The following ARHGEF37 variants were observed in gnomAD, a reference collection of about 807,000 sequenced individuals.
ARHGEF37 encodes the protein Rho guanine nucleotide exchange factor 37.
In ARHGEF37, 55 loss-of-function variants were observed where a neutral mutation model predicts 71.1. The observed-to-expected ratio is 0.77, with a 90% confidence interval of 0.62 to 0.97. The LOEUF is 0.97. Ranked by LOEUF, ARHGEF37 falls within the 50% of genes least tolerant of loss-of-function variation. The pLI, the probability that ARHGEF37 is intolerant of heterozygous loss-of-function variation, is 0.00. For missense variants in ARHGEF37, 765 were observed against 836.8 expected (o/e 0.91, Z 1.06); for synonymous variants, 327 against 350.6 (o/e 0.93, Z 0.75).
chr5:149,580,310 CT>C (rs1561786694), upstream of ARHGEF37, among the ~76,000 whole-genome samples: 2 of 152,096 alleles, frequency 1.3e-5, no homozygotes, highest in African/African-American at 2.4e-5. Context: ...CTGCCCCCCC[CT>C]CAGCTTCCCA....
chr5:149,605,254 AG>A (rs1241979744), intron 3 of ARHGEF37, among the ~76,000 whole-genome samples: 7 of 151,922 alleles, frequency 4.6e-5, no homozygotes, highest in Non-Finnish European at 8.8e-5. Context: ...AAAGAAAAAA[AG>A]AAATATAACG....
intron 12 of ARHGEF37, among the ~76,000 whole-genome samples, chr5:149,629,881 T>C (rs1752826597): frequency 6.6e-6 from 1 of 152,190 alleles, no homozygotes; most frequent in Non-Finnish European, 1.5e-5. Flanking sequence ...GAAACACCGG[T>C]ACATGCTGCA....
intron 12 of ARHGEF37, among the ~76,000 whole-genome samples, chr5:149,630,733 A>T (rs1382861949): frequency 6.6e-5 from 10 of 152,116 alleles, no homozygotes; most frequent in Admixed American, 6.5e-4. Context: ...CTCCCCATCC[A>T]GGGGCTCATT....
At chr5:149,630,392 A>G (rs1012793694) in intron 12 of ARHGEF37, among the ~76,000 whole-genome samples, 5 of 152,154 alleles carry the variant, frequency 3.3e-5, no homozygotes, top group African/African-American at 9.7e-5. Flanking sequence ...GGGGTGTACC[A>G]CAGGGGAAGC....
chr5:149,577,349 C>T (rs1431979113), upstream of ARHGEF37, among the ~76,000 whole-genome samples: 1 of 151,924 alleles, frequency 6.6e-6, no homozygotes, highest in African/African-American at 2.4e-5. Context: ...AGATATGATC[C>T]CAAGACTGAG....
rs1387489669 is a variant in ARHGEF37, at chr5:149,618,187, A to G, written c.670A>G (p.Thr224Ala). 2.5e-6 allele frequency: 4 copies of G among 1,614,136 alleles called. No individual in the cohort carries two copies. The Admixed American group carries it at 5.0e-5, about 20-fold the overall frequency. Residue 224 changes from threonine (T) to alanine (A), a missense_variant, in exon 6 of 13, where the codon ACC becomes GCC. Physicochemically the swap from Thr to Ala is moderately conservative, Grantham distance 58. This residue lies in a region of ARHGEF37 where 167 missense variants were observed against 173.3 expected (regional missense o/e 0.96). Transcript: ENST00000333677. Reference sequence around the variant, plus strand: ...CTCTGTCGTTGCAGCCTCCAAGTACACCAAGGTAGAGCAGCTGACCCTCCG... The same window carrying G: ...CTCTGTCGTTGCAGCCTCCAAGTACGCCAAGGTAGAGCAGCTGACCCTCCG... ...KMRKEVASKY[T>A]KVEQLTLRER... is the part of the protein sequence containing the mutation.
chr5:149,587,894 CTTTT>C lies in ARHGEF37; in HGVS notation c.-12+6286_-12+6289del, dbSNP rs3994917. On this transcript the variant is annotated intron_variant, in intron 1 of 12. Transcript: ENST00000333677. ...TCTGTAGGTCTTCCCTCCCTTTAGT[CTTTT>C]TTTTTTTTTTTTTTTGGAGACAAAG... is the stretch of plus-strand genomic sequence containing the variant. 1.0e-3 allele frequency among the ~76,000 whole-genome samples: 130 copies of C among 129,106 alleles called. No homozygotes were observed. In the Middle Eastern group the frequency reaches 0.016, roughly 16 times the overall value. 84.7% of individuals were successfully genotyped at this position (129,106 alleles called of 152,430 possible).
intron 4 of ARHGEF37, among the ~76,000 whole-genome samples, chr5:149,610,432 C>T (rs144364535): frequency 5.3e-5 from 8 of 152,206 alleles, no homozygotes; most frequent in African/African-American, 9.6e-5. Context: ...TTTAAATTTT[C>T]GAATGGGTAA....
intron 11 of ARHGEF37, 60 bp downstream of exon 11, chr5:149,627,331 G>A: frequency 6.4e-7 from 1 of 1,556,098 alleles, no homozygotes; most frequent in Non-Finnish European, 8.7e-7. Context: ...ACAGAAGCCG[G>A]TGCAGAGACC....
chr5:149,630,468 C>T (rs1026813936), intron 12 of ARHGEF37, among the ~76,000 whole-genome samples: 4 of 152,128 alleles, frequency 2.6e-5, no homozygotes, highest in Non-Finnish European at 2.9e-5. Flanking sequence ...AGGAGCCTGC[C>T]GCAGGCTGTG....
chr5:149,566,867 A>G (rs916788343), intron 1 of ARHGEF37, among the ~76,000 whole-genome samples: 1 of 152,188 alleles, frequency 6.6e-6, no homozygotes, highest in Non-Finnish European at 1.5e-5. Flanking sequence ...TATCTCTTCT[A>G]ATTATATATA....
rs536500279 is a variant in ARHGEF37 at position 149,591,885 on chromosome 5, C to T, written c.-11-5874C>T. Reference sequence around the variant, plus strand: ...AATCTAGGCTAAGCTATGATGTTCACTAGGTGTCAGGTATATTTCATACAT... The same window carrying T: ...AATCTAGGCTAAGCTATGATGTTCATTAGGTGTCAGGTATATTTCATACAT... On this transcript the variant is annotated intron_variant, in intron 1 of 12. Coordinates refer to ENST00000333677, the MANE Select transcript of ARHGEF37 (RefSeq NM_001001669.3). Among the ~76,000 whole-genome samples, 11 of 152,284 alleles carry T rather than the reference C, an allele frequency of 7.2e-5. No individual in the cohort carries two copies. In the South Asian group the frequency reaches 2.3e-3, roughly 32 times the overall value.
intron 12 of ARHGEF37, among the ~76,000 whole-genome samples, chr5:149,631,739 A>G (rs1307556473): frequency 2.0e-5 from 3 of 152,228 alleles, no homozygotes; most frequent in Non-Finnish European, 4.4e-5. Flanking sequence ...ATAGAATGAT[A>G]GAATTATTGT....
Position 149,628,809 on chromosome 5 carries a change from G to A in ARHGEF37, c.1661G>A (p.Gly554Glu). ...TGCTAACCTTCTGCATGCTCCCTAG[G>A]ACATCGTGGGTATGTGCCGGCTGGG... ...NSGRWLVDTG[G>E]HRGYVPAGKL... The change falls in exon 12 of 13, where the codon GGA becomes GAA. Residue 554 changes from glycine (G) to glutamate (E), a missense_variant and splice_region_variant. By Grantham distance (98) the Gly-to-Glu change is moderately conservative (BLOSUM62 -2). This residue lies in a region of ARHGEF37 where 390 missense variants were observed against 407.4 expected (regional missense o/e 0.96). Transcript: ENST00000333677. The A allele has an allele frequency of 1.2e-6, 2 of 1,612,246 alleles. No individual in the cohort carries two copies. The highest frequency in any genetic ancestry group is 1.7e-6 in the Non-Finnish European group (2 of 1,179,284).
intron 1 of ARHGEF37, among the ~76,000 whole-genome samples, chr5:149,553,317 T>G (rs1302560843): frequency 6.6e-6 from 1 of 151,992 alleles, no homozygotes; most frequent in East Asian, 1.9e-4. Flanking sequence ...GGAGAATCGC[T>G]TGAACCTGGG....
Position 149,627,236 on chromosome 5 carries a change from A to G in ARHGEF37, c.1625A>G (p.Lys542Arg). ...GCCATCCTTCAAAACAAGGACACCA[A>G]AGGCAACAGCGGCCGCTGGCTGGTG... is the stretch of plus-strand genomic sequence containing the variant. ...IVAILQNKDT[K>R]GNSGRWLVDT... Residue 542 changes from lysine (K) to arginine (R), a missense_variant, in exon 11 of 13, where the codon AAA becomes AGA. This residue lies in a region of ARHGEF37 where 390 missense variants were observed against 407.4 expected (regional missense o/e 0.96). Coordinates refer to ENST00000333677, the MANE Select transcript of ARHGEF37 (RefSeq NM_001001669.3). The G allele has an allele frequency of 1.2e-6, 2 of 1,613,992 alleles. No individual in the cohort carries two copies. The highest frequency in any genetic ancestry group is 1.7e-6 in the Non-Finnish European group (2 of 1,180,010).
At chr5:149,551,758 C>T (rs924300919), upstream of ARHGEF37, among the ~76,000 whole-genome samples, 3 of 152,254 alleles carry the variant, frequency 2.0e-5, no homozygotes, top group South Asian at 6.2e-4. Context: ...CAGATGAAAG[C>T]TTAAGGCCTC....
intron 10 of ARHGEF37, among the ~76,000 whole-genome samples, chr5:149,625,165 A>G (rs1752649855): frequency 6.6e-6 from 1 of 152,124 alleles, no homozygotes; most frequent in Admixed American, 6.5e-5. Flanking sequence ...TCAGCCTCCC[A>G]AAGTGTTGGA....
rs866075539 is a variant in ARHGEF37, at chr5:149,574,429, G to T, written c.-12+22306G>T. The stretch of plus-strand genomic sequence containing the variant: ...TATCAGGAAGTTTACTAAAAGGCTG[G>T]GTCTCCTCACAGGTCTATCTGACTG... On this transcript the variant is annotated intron_variant, in intron 1 of 2. Coordinates refer to the ARHGEF37 transcript ENST00000505810. Among the ~76,000 whole-genome samples, 12 of 152,126 alleles carry T rather than the reference G, an allele frequency of 7.9e-5. No individual in the cohort carries two copies. In the South Asian group the frequency reaches 8.3e-4, roughly 11 times the overall value.
Sources: allele counts gnomAD v4.1 joint callset (sites outside exome capture counted in the v4.1 genomes callset), GRCh38; gene constraint gnomAD v4.1.1; regional missense constraint gnomAD v4.1.1; transcripts MANE v1.5; gene names NCBI Gene and HGNC (gene_info 2026-07-23, HGNC 2026-07-21).